NAV3: variants seen among roughly 807,000 people sequenced by gnomAD.
NAV3 encodes the protein pore membrane and/or filament interacting like protein 1.
NAV3 carries 87 observed loss-of-function variants against 244.7 expected under a neutral mutation model. That is an observed-to-expected ratio of 0.36 (90% CI 0.30 to 0.42). The LOEUF (loss-of-function observed/expected upper bound fraction) is 0.42. Ranked by LOEUF, NAV3 falls within the 20% of genes least tolerant of loss-of-function variation. The pLI is 1.00. For synonymous variants in NAV3, 1,126 were observed against 1,042.2 expected, an observed-to-expected ratio of 1.08 and a Z score of -1.55; for missense variants, 2,663 against 2,893.3, an observed-to-expected ratio of 0.92 and a Z score of 1.83.
At chr12:77,707,201 C>T (rs1379056265) in intron 2 of NAV3, among the ~76,000 whole-genome samples, 1 of 139,118 alleles carries the variant, frequency 7.2e-6, no homozygotes, top group Non-Finnish European at 1.6e-5. Context: ...AATGCTATCC[C>T]TTCCCCCTCC....
chr12:77,900,038 C>T (rs1397192406), intron 1 of NAV3, among the ~76,000 whole-genome samples: 1 of 151,198 alleles, frequency 6.6e-6, no homozygotes, highest in Non-Finnish European at 1.5e-5. Flanking sequence ...CTGTCCCTCT[C>T]TCCTCTCTCT....
At chr12:78,121,840 A>G (rs1955681962) in intron 15 of NAV3, 100 bp from the exon 16 acceptor site, 2 of 1,438,300 alleles carry the variant, frequency 1.4e-6, no homozygotes, top group Non-Finnish European at 1.9e-6. Context: ...GTAGTTCAGT[A>G]CATCAAAGCA....
intron 2 of NAV3, among the ~76,000 whole-genome samples, chr12:77,685,389 T>C (rs1479950776): frequency 2.6e-5 from 4 of 152,020 alleles, no homozygotes; most frequent in Non-Finnish European, 5.9e-5. Flanking sequence ...AACTCTGAAC[T>C]TCATTTCTCT....
chr12:77,994,909 T>A (rs369834543), intron 6 of NAV3, 38 bp downstream of exon 6: 1 of 1,396,500 alleles, frequency 7.2e-7, no homozygotes, highest in Non-Finnish European at 1.0e-6. Context: ...TTATTAGTGA[T>A]ATGCAAATAA....
At chr12:77,785,297 T>C (rs1870852457) in intron 2 of NAV3, among the ~76,000 whole-genome samples, 1 of 152,124 alleles carries the variant, frequency 6.6e-6, no homozygotes, top group Non-Finnish European at 1.5e-5. Flanking sequence ...GTTTCCTCTG[T>C]CTGTCCTGTA....
intron 2 of NAV3, among the ~76,000 whole-genome samples, chr12:77,703,980 A>G (rs562233388): frequency 2.0e-5 from 3 of 152,268 alleles, no homozygotes; most frequent in Admixed American, 6.5e-5. Context: ...TCAATATAAC[A>G]TTGTTCTCAC....
intron 2 of NAV3, among the ~76,000 whole-genome samples, chr12:77,800,569 T>A (rs1871654448): frequency 1.3e-5 from 2 of 152,200 alleles, no homozygotes. Context: ...TTTGTTCTTA[T>A]GGATTTTAAG....
At chr12:77,693,768 T>C (rs1875149347) in intron 2 of NAV3, among the ~76,000 whole-genome samples, 1 of 152,094 alleles carries the variant, frequency 6.6e-6, no homozygotes, top group South Asian at 2.1e-4. Context: ...TTTCCTCTGC[T>C]CTGGACTTTC....
At position 78,006,786 on chromosome 12, in the gene NAV3, C is replaced by G. The variant is rs114303302; in HGVS notation, c.1248C>G (p.Ala416=). The change falls in exon 8 of 40, where the codon GCC becomes GCG. Residue 416 remains alanine, a synonymous_variant. Transcript: ENST00000397909. The stretch of plus-strand genomic sequence containing the variant: ...GTGATGGTGGGAAGGATGATGATGC[C>G]TTTTCTGAATCTGGTGAAATGGAAG... The part of the protein sequence containing the change: ...GPSDGGKDDD[A]FSESGEMEGF... 3.7e-6 allele frequency: 6 copies of G among 1,614,168 alleles called. No homozygotes were observed. Among genetic ancestry groups the G allele is most frequent in the Non-Finnish European group, 5.1e-6 (6 of 1,180,030 alleles).
intron 2 of NAV3, among the ~76,000 whole-genome samples, chr12:77,783,853 A>G (rs1870784050): frequency 6.6e-6 from 1 of 152,176 alleles, no homozygotes; most frequent in African/African-American, 2.4e-5. Context: ...AGAGGCAGAT[A>G]GAGGAAAATC....
chr12:78,197,026 T>G lies in NAV3; in HGVS notation c.6292-221T>G, dbSNP rs527459314. Reference sequence around the variant, plus strand: ...TGCTGCAGGTGTTTGGTACTGGATCTTCTATTGCTTTCCTTTTTCTTGCTT... The same window carrying G: ...TGCTGCAGGTGTTTGGTACTGGATCGTCTATTGCTTTCCTTTTTCTTGCTT... On this transcript the variant is annotated intron_variant, in intron 34 of 39. Transcript: ENST00000397909. Among the ~76,000 whole-genome samples the G allele has an allele frequency of 2.0e-4, 30 of 152,110 alleles. No homozygotes were observed. In the South Asian group the frequency reaches 6.2e-3, roughly 32 times the overall value.
intron 2 of NAV3, among the ~76,000 whole-genome samples, chr12:77,711,581 A>C (rs577387756): frequency 2.1e-4 from 32 of 152,312 alleles, no homozygotes; most frequent in African/African-American, 7.7e-4. Context: ...CATGGTATGG[A>C]ATGCGGTGTC....
At chr12:78,141,411 A>G (rs417508) in intron 20 of NAV3, among the ~76,000 whole-genome samples, 8,093 of 152,232 alleles carry the variant, frequency 0.053, 276 homozygotes, top group Non-Finnish European at 0.072. Context: ...CTGAATCTCA[A>G]TGGGACTTGA....
intron 23 of NAV3, among the ~76,000 whole-genome samples, chr12:78,160,940 A>G (rs1339260357): frequency 7.2e-6 from 1 of 139,112 alleles, no homozygotes; most frequent in Non-Finnish European, 1.5e-5. Context: ...CCTCCCTTAC[A>G]CCCTTTCTTC....
rs1218926981 is a variant in NAV3 at position 77,831,092 on chromosome 12, G to A, written c.-370G>A. The A allele has an allele frequency of 1.9e-5, 3 of 157,412 alleles. No homozygotes were observed. The highest frequency in any genetic ancestry group is 4.2e-5 in the Non-Finnish European group (3 of 72,002). 9.8% of individuals were successfully genotyped at this position (157,412 alleles called of 1,614,324 possible). A position where few individuals can be genotyped will look rare whatever the true frequency, so the allele number is the denominator to read the frequency against. On this transcript the variant is annotated 5_prime_UTR_variant, in exon 1 of 40. Coordinates refer to ENST00000397909, the MANE Select transcript of NAV3 (RefSeq NM_001024383.2). Reference sequence around the variant, plus strand: ...GAAGGAGCTTTGTAGCAGTTACCTTGAAGAAGAGTTTACTCCCCAAAGGAG... The same window carrying A: ...GAAGGAGCTTTGTAGCAGTTACCTTAAAGAAGAGTTTACTCCCCAAAGGAG...
intron 22 of NAV3, among the ~76,000 whole-genome samples, chr12:78,153,224 G>T (rs1236164783): frequency 6.6e-6 from 1 of 152,002 alleles, no homozygotes; most frequent in Non-Finnish European, 1.5e-5. Flanking sequence ...CCCAAATGGG[G>T]TATGGTAAGT....
intron 2 of NAV3, among the ~76,000 whole-genome samples, chr12:77,747,360 G>A (rs1044482962): frequency 5.3e-5 from 8 of 152,088 alleles, no homozygotes; most frequent in Non-Finnish European, 7.4e-5. Context: ...TTAGAATGGT[G>A]ATCATTAAAA....
chr12:78,155,770 G>C (rs1473660864), intron 22 of NAV3, among the ~76,000 whole-genome samples: 1 of 151,710 alleles, frequency 6.6e-6, no homozygotes. Flanking sequence ...ATGTTTGTTG[G>C]CTGCATGACT....
At chr12:77,785,991 T>C (rs1870887252) in intron 2 of NAV3, among the ~76,000 whole-genome samples, 1 of 152,170 alleles carries the variant, frequency 6.6e-6, no homozygotes, top group African/African-American at 2.4e-5. Flanking sequence ...CTGAGTGATC[T>C]TATTTGATGA....
Sources: gnomAD v4.1 joint callset for allele counts (sites outside exome capture counted in the v4.1 genomes callset) on GRCh38, gnomAD v4.1.1 for gene constraint, MANE v1.5 for transcripts, NCBI Gene and HGNC (gene_info 2026-07-23, HGNC 2026-07-21) for gene names.